The following PPM1F variants were observed in gnomAD, a reference collection of about 807,000 sequenced individuals.
PPM1F encodes the protein protein phosphatase 1F.
A neutral mutation model predicts 35.5 loss-of-function variants in PPM1F; 17 were observed. The observed-to-expected ratio is 0.48, with a 90% CI of 0.33 to 0.72. PPM1F has a LOEUF of 0.72. Ranked by LOEUF, PPM1F falls within the 30% of genes least tolerant of loss-of-function variation. The pLI, the probability that PPM1F is intolerant of heterozygous loss-of-function variation, is 0.02. For synonymous variants in PPM1F, 241 were observed against 255.5 expected, an observed-to-expected ratio of 0.94 and a Z score of 0.54; for missense variants, 521 against 613.0, an observed-to-expected ratio of 0.85 and a Z score of 1.59.
At chr22:21,938,424 G>A (rs762368646) in intron 3 of PPM1F, 89 of 1,158,000 alleles carry the variant, frequency 7.7e-5, no homozygotes, top group Non-Finnish European at 9.2e-5. Context: ...ATGCGGGCAG[G>A]GAGCCAGGGC....
rs1477140753 is a variant in PPM1F at position 21,939,599 on chromosome 22, C to G, written c.288G>C (p.Arg96Ser). 4 of 1,566,610 alleles carry G rather than the reference C, an allele frequency of 2.6e-6. No homozygotes were observed. In the East Asian group the frequency reaches 7.0e-5, roughly 27 times the overall value. The change falls in exon 3 of 8, where the codon AGG becomes AGC. Residue 96 changes from arginine (R) to serine (S), a missense_variant. Arg to Ser is a moderately radical substitution (Grantham distance 110). This residue lies in a region of PPM1F where 311 missense variants were observed against 351.5 expected (regional missense o/e 0.88). Coordinates refer to ENST00000263212, the MANE Select transcript of PPM1F (RefSeq NM_014634.4). The surrounding 1 kb of genome is among the most constrained non-coding windows in gnomAD (Gnocchi z 5.1). ...CTTCTTCTTCCTCCCTGGGCAACTT[C>G]CTGAATTCGGAAAGGTCTGTCTGTA... ...QLLQTDLSEFRKLPREEEEEE... is the reference protein window; with the variant it reads ...QLLQTDLSEFSKLPREEEEEE...
chr22:21,930,056 A>G (rs1407347078), intron 6 of PPM1F, among the ~76,000 whole-genome samples: 1 of 152,274 alleles, frequency 6.6e-6, no homozygotes, highest in Non-Finnish European at 1.5e-5. Context: ...CTGATAAGAA[A>G]AACAGGCAAA....
rs147362924 is a variant in PPM1F at position 21,933,335 on chromosome 22, G to T, written c.747+56C>A. 2,511 of 1,515,366 alleles carry T rather than the reference G, an allele frequency of 1.7e-3. 40 individuals are homozygous for T. In the African/African-American group the frequency reaches 0.029, roughly 18 times the overall value. The allele number at this position is 1,515,366 out of a possible 1,614,324, so 93.9% of individuals were successfully genotyped here. On this transcript the variant is annotated intron_variant, in intron 5 of 7. Coordinates refer to ENST00000263212, the MANE Select transcript of PPM1F (RefSeq NM_014634.4). Reference sequence around the variant, plus strand: ...CTTTGGCGTTTTTCCCGCTGCAGAGGCTGGGACTCTCACTGGCCTCCAAAC... The same window carrying T: ...CTTTGGCGTTTTTCCCGCTGCAGAGTCTGGGACTCTCACTGGCCTCCAAAC...
At chr22:21,948,223 C>T (rs1207675964) in intron 1 of PPM1F, 1 of 151,288 alleles carries the variant, frequency 6.6e-6, no homozygotes, top group African/African-American at 2.4e-5. Context: ...AGGTCTATAT[C>T]TCAGCGCTTG....
In PPM1F at chr22:21,952,820, C is replaced by G. The variant is rs960989626; in HGVS notation, c.-89G>C. On this transcript the variant is annotated 5_prime_UTR_variant, in exon 1 of 8. Transcript: ENST00000263212. ...TGGTCTCCGCGGGCCTCAGCTGTCTCCTCGCGGCTCCGTGTCCCGCAAGCT... is the reference window on the plus strand; with the variant it reads ...TGGTCTCCGCGGGCCTCAGCTGTCTGCTCGCGGCTCCGTGTCCCGCAAGCT... 2.6e-5 allele frequency: 4 copies of G among 152,022 alleles called. No individual in the cohort carries two copies. The highest frequency in any genetic ancestry group is 4.4e-5 in the Non-Finnish European group (3 of 68,034). 9.4% of individuals were successfully genotyped at this position (152,022 alleles called of 1,614,324 possible).
At chr22:21,947,757 AAG>A (rs1399658101) in intron 1 of PPM1F, 3 of 152,214 alleles carry the variant, frequency 2.0e-5, no homozygotes, top group East Asian at 1.9e-4. Context: ...GTGCAGGATG[AAG>A]AGAGTGGGAA....
rs239930 is a variant in PPM1F at position 21,948,304 on chromosome 22, C to G, written c.-60-2196G>C. On this transcript the variant is annotated intron_variant, in intron 1 of 7. Coordinates refer to ENST00000263212, the MANE Select transcript of PPM1F (RefSeq NM_014634.4). ...CAGCCTGGGCAGTGAGATCGCCACCCCCCCCCCACCCCCCATCTCTACCAA... is the reference window on the plus strand; with the variant it reads ...CAGCCTGGGCAGTGAGATCGCCACCGCCCCCCCACCCCCCATCTCTACCAA... 1.1e-4 allele frequency: 12 copies of G among 112,406 alleles called. 1 individual carries two copies. Among genetic ancestry groups the G allele is most frequent in the African/African-American group, 2.0e-4 (6 of 29,996 alleles). 7.0% of individuals were successfully genotyped at this position (112,406 alleles called of 1,614,324 possible). A position where few individuals can be genotyped will look rare whatever the true frequency, so the allele number is the denominator to read the frequency against.
At chr22:21,946,301 A>G (rs2070776988) in intron 1 of PPM1F, 193 bp from the exon 2 acceptor site, 1 of 382,720 alleles carries the variant, frequency 2.6e-6, no homozygotes, top group East Asian at 4.0e-5. Context: ...ATCCGGTCTC[A>G]GGAGATGGTG....
chr22:21,935,444 G>A (rs1383881417), intron 3 of PPM1F: 2 of 152,192 alleles, frequency 1.3e-5, no homozygotes, highest in Non-Finnish European at 2.9e-5. Flanking sequence ...GATCCTGGTG[G>A]TGATATTTTA....
At position 21,923,206 on chromosome 22, in the gene PPM1F, T is replaced by C. The variant is rs1252289018; in HGVS notation, c.1251A>G (p.Gln417=). The C allele has an allele frequency of 6.2e-7, 1 of 1,613,574 alleles. No individual in the cohort carries two copies. The highest frequency in any genetic ancestry group is 8.5e-7 in the Non-Finnish European group (1 of 1,179,956). Residue 417 remains glutamine (Q), a synonymous_variant, in exon 8 of 8, where the codon CAA becomes CAG. Coordinates refer to ENST00000263212, the MANE Select transcript of PPM1F (RefSeq NM_014634.4). The part of the protein sequence containing the change: ...TVMVVFLRDP[Q]ELLEGGNQGE... ...CCTGGTTCCCGCCCTCCAGCAGCTC[T>C]TGGGGGTCCCTGAGGAAGACCACCA...
rs923190519 is a variant in PPM1F at position 21,952,836 on chromosome 22, C to T, written c.-105G>A. The stretch of plus-strand genomic sequence containing the variant: ...CAGCTGTCTCCTCGCGGCTCCGTGT[C>T]CCGCAAGCTGCTGCCGGCCGGCCCC... On this transcript the variant is annotated 5_prime_UTR_variant, in exon 1 of 8. Transcript: ENST00000263212. The T allele has an allele frequency of 6.6e-5, 10 of 151,942 alleles. No individual in the cohort carries two copies. Among genetic ancestry groups the T allele is most frequent in the African/African-American group, 2.4e-4 (10 of 41,374 alleles). The allele number at this position is 151,942 out of a possible 1,614,324, so 9.4% of individuals were successfully genotyped here.
At chr22:21,940,129 G>A (rs903002292) in intron 2 of PPM1F, among the ~76,000 whole-genome samples, 4 of 152,266 alleles carry the variant, frequency 2.6e-5, no homozygotes, top group South Asian at 2.1e-4. Flanking sequence ...TTAAGATGAC[G>A]TCATGCTGGA....
chr22:21,929,288 C>A (rs1296655918), intron 6 of PPM1F, among the ~76,000 whole-genome samples: 8 of 152,152 alleles, frequency 5.3e-5, no homozygotes, highest in African/African-American at 1.9e-4. Context: ...ATCTGAACTC[C>A]TTGGCCCATG....
intron 3 of PPM1F, chr22:21,936,021 A>C (rs1240781651): frequency 6.6e-6 from 1 of 152,010 alleles, no homozygotes; most frequent in Non-Finnish European, 1.5e-5. Context: ...AAACCAAAAA[A>C]AATTAGCTGT....
At position 21,927,765 on chromosome 22, in the gene PPM1F, C is replaced by T. The variant is rs545671249; in HGVS notation, c.892-2103G>A. On this transcript the variant is annotated intron_variant, in intron 6 of 7. Transcript: ENST00000263212. ...ACAGGCTGCGCCGGCTCCCCGGGCT[C>T]GCCCCTCTAACCCTGGCCCTGAACC... 1.9e-4 allele frequency among the ~76,000 whole-genome samples: 29 copies of T among 152,302 alleles called. No homozygotes were observed. In the South Asian group the frequency reaches 3.9e-3, roughly 21 times the overall value.
At chr22:21,930,547 T>C (rs1332903392) in intron 6 of PPM1F, among the ~76,000 whole-genome samples, 1 of 152,210 alleles carries the variant, frequency 6.6e-6, no homozygotes, top group Non-Finnish European at 1.5e-5. Flanking sequence ...ATCCACCATG[T>C]GCATGGTTAA....
chr22:21,939,336 G>T lies in PPM1F; in HGVS notation c.355+196C>A. 1.5e-6 allele frequency: 1 copy of T among 669,514 alleles called. No homozygotes were observed. The highest frequency in any genetic ancestry group is 2.5e-6 in the Non-Finnish European group (1 of 398,138). 41.5% of individuals were successfully genotyped at this position (669,514 alleles called of 1,614,324 possible). On this transcript the variant is annotated intron_variant, in intron 3 of 7. Coordinates refer to ENST00000263212, the MANE Select transcript of PPM1F (RefSeq NM_014634.4). This position sits in a 1 kb window ranked among gnomAD's most constrained non-coding sequence, Gnocchi z 5.1. ...CTCGTGGGCTGACTGGGAACTATAT[G>T]ACCTGTGGAGGGCTGTGACCGCCAC...
intron 6 of PPM1F, chr22:21,925,976 A>T: frequency 3.1e-6 from 1 of 320,982 alleles, no homozygotes; most frequent in Non-Finnish European, 5.7e-6. Flanking sequence ...TGCGAGCCCG[A>T]CACAGACAGC....
At chr22:21,935,313 A>T (rs1174698292) in intron 3 of PPM1F, 1 of 152,192 alleles carries the variant, frequency 6.6e-6, no homozygotes, top group Non-Finnish European at 1.5e-5. Flanking sequence ...GAAGCCGAGA[A>T]GATTAGTAGT....
Sources: allele counts gnomAD v4.1 joint callset (sites outside exome capture counted in the v4.1 genomes callset), GRCh38; gene constraint gnomAD v4.1.1; regional missense constraint gnomAD v4.1.1; non-coding constraint Gnocchi (gnomAD v3.1); transcripts MANE v1.5; gene names NCBI Gene and HGNC (gene_info 2026-07-23, HGNC 2026-07-21).